MB: variants seen among roughly 807,000 people sequenced by gnomAD.
MB encodes the protein nitrite reductase MB.
MB carries 10 observed loss-of-function variants against 14.5 expected under a neutral mutation model. The ratio of observed to expected loss-of-function variants is 0.69; its 90% CI spans 0.43 to 1.17. The LOEUF (loss-of-function observed/expected upper bound fraction) is 1.17. Among genes scored for constraint, MB ranks in the 50% most tolerant of loss-of-function variants. MB has a pLI of 0.00. For synonymous variants in MB, 89 were observed against 78.6 expected (o/e 1.13, Z -0.70); for missense variants, 169 against 192.7 (o/e 0.88, Z 0.73).
At chr22:35,612,524 A>G (rs555322131) in intron 1 of MB, among the ~76,000 whole-genome samples, 1 of 152,268 alleles carries the variant, frequency 6.6e-6, no homozygotes, top group Non-Finnish European at 1.5e-5. Context: ...AGAATTCTCC[A>G]TGTTAGGCAG....
At chr22:35,616,979 TCCTTTC>T in intron 1 of MB, 178 bp downstream of exon 1, 1 of 575,332 alleles carries the variant, frequency 1.7e-6, no homozygotes, top group Non-Finnish European at 3.1e-6. Flanking sequence ...CTGAAATGGC[TCCTTTC>T]CCTCTCCTGA....
chr22:35,612,261 G>T (rs1481218947), intron 1 of MB, among the ~76,000 whole-genome samples: 1 of 152,168 alleles, frequency 6.6e-6, no homozygotes, highest in African/African-American at 2.4e-5. Flanking sequence ...ACTCCAGTTT[G>T]CGCCCTGAGC....
At chr22:35,621,894 C>T (rs901700383), upstream of MB, 1 of 152,288 alleles carries the variant, frequency 6.6e-6, no homozygotes, top group Non-Finnish European at 1.5e-5. Context: ...CATCTTCGGT[C>T]TCCAGCCACT....
At chr22:35,612,579 C>T (rs1922718467) in intron 1 of MB, among the ~76,000 whole-genome samples, 1 of 152,082 alleles carries the variant, frequency 6.6e-6, no homozygotes. Flanking sequence ...GCCTCAGCCT[C>T]CCAAAGTGCT....
At chr22:35,619,196 T>C (rs1923307184), upstream of MB, among the ~76,000 whole-genome samples, 1 of 152,194 alleles carries the variant, frequency 6.6e-6, no homozygotes, top group Admixed American at 6.5e-5. Flanking sequence ...TTTAGGGAGA[T>C]AACTAAGAGG....
intron 2 of MB, 123 bp from the exon 3 acceptor site, chr22:35,607,566 ACC>A: frequency 1.1e-6 from 1 of 874,470 alleles, no homozygotes; most frequent in Non-Finnish European, 1.8e-6. Flanking sequence ...CTTGCTAGGC[ACC>A]AGGTGAGAGT....
chr22:35,610,503 C>T (rs569910651), intron 2 of MB, among the ~76,000 whole-genome samples: 64 of 152,266 alleles, frequency 4.2e-4, no homozygotes, highest in African/African-American at 1.5e-3. Context: ...TGCCATTATC[C>T]ACCTCCTGTG....
intron 2 of MB, 44 bp from the exon 3 acceptor site, chr22:35,607,487 A>G: frequency 1.3e-6 from 2 of 1,597,484 alleles, no homozygotes; most frequent in Non-Finnish European, 1.7e-6. Context: ...AGGGTGGGAC[A>G]AGCCAGGGGC....
At chr22:35,617,788 T>G (rs983864010), upstream of MB, among the ~76,000 whole-genome samples, 1 of 152,066 alleles carries the variant, frequency 6.6e-6, no homozygotes, top group Non-Finnish European at 1.5e-5. Flanking sequence ...CAGAGACCCC[T>G]CACCCAGCCA....
chr22:35,620,764 G>A (rs908555313), upstream of MB, among the ~76,000 whole-genome samples: 4 of 152,180 alleles, frequency 2.6e-5, no homozygotes, highest in Non-Finnish European at 5.9e-5. Context: ...GTGCGGGGCA[G>A]GGCAGGGCTG....
chr22:35,617,318 C>A lies in MB; in HGVS notation c.-61G>T. The A allele has an allele frequency of 7.1e-7, 1 of 1,401,516 alleles. No homozygotes were observed. The highest frequency in any genetic ancestry group is 1.0e-6 in the Non-Finnish European group (1 of 989,012). The allele number at this position is 1,401,516 out of a possible 1,614,324, so 86.8% of individuals were successfully genotyped here. ...GGCTCACTGGGTGTCCTGGCCCCAA[C>A]AGCTGGGGTTTGAGGCTGCCTGGTC... On this transcript the variant is annotated 5_prime_UTR_variant, in exon 1 of 3. Transcript: ENST00000397326.
intron 2 of MB, among the ~76,000 whole-genome samples, chr22:35,609,255 G>T (rs1187109350): frequency 6.6e-6 from 1 of 152,246 alleles, no homozygotes; most frequent in Non-Finnish European, 1.5e-5. Context: ...CAGCCTGGCA[G>T]TGCCATGACC....
At chr22:35,615,322 A>G (rs542720130) in intron 1 of MB, among the ~76,000 whole-genome samples, 1 of 152,328 alleles carries the variant, frequency 6.6e-6, no homozygotes, top group Non-Finnish European at 1.5e-5. Context: ...GGGCAGAACC[A>G]GCTGGCACAG....
chr22:35,611,761 G>A (rs925843540), intron 1 of MB, among the ~76,000 whole-genome samples: 14 of 152,092 alleles, frequency 9.2e-5, no homozygotes, highest in Admixed American at 4.6e-4. Flanking sequence ...AGGTGCCCCA[G>A]AGGCCTCTGC....
At chr22:35,610,707 C>A (rs1922541378) in intron 2 of MB, among the ~76,000 whole-genome samples, 177 bp downstream of exon 2, 1 of 152,118 alleles carries the variant, frequency 6.6e-6, no homozygotes, top group Admixed American at 6.5e-5. Context: ...TCAACAATCC[C>A]AGGAGGAAGG....
chr22:35,619,791 C>T (rs1423040417), upstream of MB, among the ~76,000 whole-genome samples: 1 of 152,222 alleles, frequency 6.6e-6, no homozygotes, highest in East Asian at 1.9e-4. Flanking sequence ...TCTCTAAAGC[C>T]TGGCTGGTGA....
intron 1 of MB, chr22:35,622,435 C>G (rs1923532493): frequency 6.5e-6 from 1 of 152,690 alleles, no homozygotes; most frequent in Non-Finnish European, 1.5e-5. Context: ...ACCCACCCAC[C>G]AGGGCTGCTC....
intron 1 of MB, among the ~76,000 whole-genome samples, chr22:35,616,908 C>T (rs45502993): frequency 1.3e-5 from 2 of 152,304 alleles, no homozygotes; most frequent in Middle Eastern, 3.4e-3. Context: ...AAAATTCTTC[C>T]TGGTGGACTC....
intron 2 of MB, 86 bp from the exon 3 acceptor site, chr22:35,607,529 C>T: frequency 1.5e-6 from 2 of 1,369,566 alleles, no homozygotes; most frequent in Non-Finnish European, 2.0e-6. Context: ...CCTACCTTCT[C>T]TTTATTCCAG....
Sources: gnomAD v4.1 joint callset for allele counts (sites outside exome capture counted in the v4.1 genomes callset) on GRCh38, gnomAD v4.1.1 for gene constraint, MANE v1.5 for transcripts, NCBI Gene and HGNC (gene_info 2026-07-23, HGNC 2026-07-21) for gene names.